UBAC2: variants seen among roughly 807,000 people sequenced by gnomAD.
UBAC2 encodes UBA domain containing 2.
A neutral mutation model predicts 44.0 loss-of-function variants in UBAC2; 26 were observed. That is an observed-to-expected ratio of 0.59 (90% confidence interval 0.43 to 0.82). The LOEUF is 0.82. Among genes scored for constraint, UBAC2 ranks in the 40% least tolerant of loss-of-function variants. The pLI is 0.00. For synonymous variants in UBAC2, 155 were observed against 154.3 expected (o/e 1.00, Z -0.04); for missense variants, 329 against 419.4 (o/e 0.78, Z 1.88).
chr13:99,202,676 C>G (rs2042818842), intron 1 of UBAC2, among the ~76,000 whole-genome samples: 2 of 152,200 alleles, frequency 1.3e-5, no homozygotes, highest in Admixed American at 1.3e-4. Flanking sequence ...AGGAACCAAA[C>G]TGTTGCCCAG....
intron 6 of UBAC2, among the ~76,000 whole-genome samples, chr13:99,328,588 A>G (rs913385352): frequency 1.3e-5 from 2 of 152,034 alleles, no homozygotes; most frequent in Non-Finnish European, 2.9e-5. Context: ...TTCTCTAATG[A>G]TTAGTGATGT....
intron 8 of UBAC2, among the ~76,000 whole-genome samples, chr13:99,368,166 T>C (rs898102275): frequency 6.6e-6 from 1 of 152,126 alleles, no homozygotes; most frequent in African/African-American, 2.4e-5. Flanking sequence ...ACACTTCATA[T>C]ATACAAGAAA....
At chr13:99,303,547 A>G (rs117450104) in intron 4 of UBAC2, among the ~76,000 whole-genome samples, 2 of 152,336 alleles carry the variant, frequency 1.3e-5, no homozygotes, top group East Asian at 3.9e-4. Context: ...GAATCCCACC[A>G]TAATACTCAT....
At chr13:99,292,497 G>C (rs935292208) in intron 4 of UBAC2, among the ~76,000 whole-genome samples, 1 of 152,012 alleles carries the variant, frequency 6.6e-6, no homozygotes, top group African/African-American at 2.4e-5. Context: ...TCTGAAGTTA[G>C]GTTTCTTTAT....
intron 1 of UBAC2, among the ~76,000 whole-genome samples, chr13:99,203,429 C>A (rs2042830869): frequency 6.6e-6 from 1 of 152,230 alleles, no homozygotes; most frequent in African/African-American, 2.4e-5. Context: ...CTAGCCCTAC[C>A]CCCATGGGTG....
At chr13:99,255,637 A>G (rs1566471281) in intron 4 of UBAC2, 14 of 1,614,148 alleles carry the variant, frequency 8.7e-6, no homozygotes, top group Non-Finnish European at 1.2e-5. Context: ...ATAATAAAAC[A>G]TTCGAAAGGG....
intron 4 of UBAC2, among the ~76,000 whole-genome samples, chr13:99,269,745 T>C (rs2043792950): frequency 6.6e-6 from 1 of 152,230 alleles, no homozygotes; most frequent in Non-Finnish European, 1.5e-5. Context: ...TAAGCTTCCA[T>C]GTTAAAGCTG....
rs933550504 is a variant in UBAC2, at chr13:99,300,012, G to A, written c.390-14085G>A. ...TTTCATGCTGCCCTTAAAGAACTGAGGGCTTGTGGTTTCAAAGTGGTCTAG... is the reference window on the plus strand; with the variant it reads ...TTTCATGCTGCCCTTAAAGAACTGAAGGCTTGTGGTTTCAAAGTGGTCTAG... On this transcript the variant is annotated intron_variant, in intron 4 of 8. Transcript: ENST00000403766. Among the ~76,000 whole-genome samples, 3 of 152,190 alleles carry A rather than the reference G, an allele frequency of 2.0e-5. No homozygotes were observed. In the South Asian group the frequency reaches 6.2e-4, roughly 32 times the overall value.
intron 1 of UBAC2, among the ~76,000 whole-genome samples, chr13:99,228,455 G>A (rs1309272353): frequency 4.6e-5 from 7 of 151,622 alleles, no homozygotes; most frequent in African/African-American, 1.7e-4. Context: ...CACCACGCCC[G>A]GCTAATTTTT....
At chr13:99,299,004 C>T (rs891587278) in intron 4 of UBAC2, among the ~76,000 whole-genome samples, 2 of 151,918 alleles carry the variant, frequency 1.3e-5, no homozygotes, top group African/African-American at 4.8e-5. Context: ...TGGGAATTGC[C>T]TTTAAAATAC....
intron 3 of UBAC2, 109 bp from the exon 4 acceptor site, chr13:99,244,406 C>CATATGCATGTGTGTATGT: frequency 1.4e-6 from 1 of 707,038 alleles, no homozygotes; most frequent in Non-Finnish European, 2.5e-6. Flanking sequence ...TATATACACA[C>CATATGCATGTGTGTATGT]ACACACATAC....
chr13:99,280,911 C>T lies in UBAC2; in HGVS notation c.390-33186C>T, dbSNP rs60558451. Among the ~76,000 whole-genome samples, 1,087 of 151,910 alleles carry T rather than the reference C, an allele frequency of 7.2e-3. 14 individuals are homozygous for T. Among genetic ancestry groups the T allele is most frequent in the African/African-American group, 0.025 (1,023 of 41,394 alleles). On this transcript the variant is annotated intron_variant, in intron 4 of 8. Coordinates refer to ENST00000403766, the MANE Select transcript of UBAC2 (RefSeq NM_001144072.2). ...ACTTAAGAGAAAAATGTAGGCTGGG[C>T]GTGGTGGCTCACGCCTGTAATCCCA...
intron 4 of UBAC2, among the ~76,000 whole-genome samples, chr13:99,309,802 A>G (rs2044388407): frequency 6.6e-6 from 1 of 151,684 alleles, no homozygotes; most frequent in South Asian, 2.1e-4. Context: ...TGTGGAGACA[A>G]GGTCTCATTA....
chr13:99,245,127 C>T (rs1157893086), intron 4 of UBAC2, among the ~76,000 whole-genome samples: 1 of 152,150 alleles, frequency 6.6e-6, no homozygotes, highest in Non-Finnish European at 1.5e-5. Flanking sequence ...GCCACCTTGC[C>T]CAGGCACCTT....
intron 7 of UBAC2, among the ~76,000 whole-genome samples, chr13:99,349,000 A>C (rs991417085): frequency 6.6e-6 from 1 of 152,230 alleles, no homozygotes; most frequent in African/African-American, 2.4e-5. Context: ...CACTAGAGGA[A>C]GAAGACCAGG....
intron 7 of UBAC2, chr13:99,356,293 G>C: frequency 2.1e-6 from 1 of 477,096 alleles, no homozygotes; most frequent in Non-Finnish European, 4.6e-6. Flanking sequence ...TTTAGCCCCT[G>C]CATGGAATGC....
At chr13:99,207,991 C>CTG (rs2042892658) in intron 1 of UBAC2, among the ~76,000 whole-genome samples, 1 of 79,744 alleles carries the variant, frequency 1.3e-5, no homozygotes, top group Non-Finnish European at 2.6e-5. Context: ...CTCTCATCGT[C>CTG]TCTTTTTTTT....
At chr13:99,378,663 C>T (rs544111337) in intron 8 of UBAC2, among the ~76,000 whole-genome samples, 1 of 152,258 alleles carries the variant, frequency 6.6e-6, no homozygotes, top group Non-Finnish European at 1.5e-5. Flanking sequence ...TTCAAAGTCA[C>T]CACCTTGTTC....
intron 7 of UBAC2, among the ~76,000 whole-genome samples, chr13:99,344,797 TAGAC>T (rs2044948184): frequency 6.6e-6 from 1 of 152,202 alleles, no homozygotes; most frequent in Non-Finnish European, 1.5e-5. Flanking sequence ...GGGGCACAGT[TAGAC>T]AGTTAGACTG....
Sources: allele counts gnomAD v4.1 joint callset (sites outside exome capture counted in the v4.1 genomes callset), GRCh38; gene constraint gnomAD v4.1.1; transcripts MANE v1.5; gene names NCBI Gene and HGNC (gene_info 2026-07-23, HGNC 2026-07-21).